Variants in ARHGEF37 observed in about 807,000 individuals in gnomAD.
ARHGEF37 encodes Rho guanine nucleotide exchange factor 37.
ARHGEF37 carries 55 observed loss-of-function variants against 71.1 expected under a neutral mutation model. That is an observed-to-expected ratio of 0.77 (90% CI 0.62 to 0.97). The LOEUF is 0.97. Ranked by LOEUF, ARHGEF37 falls within the 50% of genes least tolerant of loss-of-function variation. The pLI is 0.00. For missense variants in ARHGEF37, 765 were observed against 836.8 expected (o/e 0.91, Z 1.06); for synonymous variants, 327 against 350.6 (o/e 0.93, Z 0.75).
At chr5:149,598,748 ATC>A (rs3073459) in intron 2 of ARHGEF37, among the ~76,000 whole-genome samples, 38,283 of 105,130 alleles carry the variant, frequency 0.36, 5,736 homozygotes, top group South Asian at 0.55. Flanking sequence ...ATATATATAT[ATC>A]TATATATAGA....
chr5:149,589,741 C>A (rs1763345359), intron 1 of ARHGEF37, among the ~76,000 whole-genome samples: 1 of 152,080 alleles, frequency 6.6e-6, no homozygotes, highest in Non-Finnish European at 1.5e-5. Flanking sequence ...CTCAGGTGAT[C>A]CTCCCGACCT....
chr5:149,569,720 G>A (rs1027699319), intron 1 of ARHGEF37, among the ~76,000 whole-genome samples: 5 of 152,182 alleles, frequency 3.3e-5, no homozygotes, highest in African/African-American at 1.2e-4. Flanking sequence ...AGGTTCAAGC[G>A]ATTCTCTGGC....
intron 1 of ARHGEF37, among the ~76,000 whole-genome samples, chr5:149,595,046 G>A (rs1282082175): frequency 6.6e-6 from 1 of 152,214 alleles, no homozygotes; most frequent in Non-Finnish European, 1.5e-5. Flanking sequence ...GAACAGGTTT[G>A]TGGTTGCCAA....
rs776949148 is a variant in ARHGEF37 at position 149,631,992 on chromosome 5, C to T, written c.1829C>T (p.Ala610Val). 31 of 1,614,110 alleles carry T rather than the reference C, an allele frequency of 1.9e-5. No homozygotes were observed. In the African/African-American group the frequency reaches 2.7e-4, roughly 14 times the overall value. ...CCCCATGTGTTTCAGGTCATAGCCG[C>T]GTACCCTTTTGTGGCCAGAAGCAGC... Reference protein sequence around the residue: ...SIPTMNQVIAAYPFVARSSHE... With the variant: ...SIPTMNQVIAVYPFVARSSHE... Residue 610 changes from alanine to valine, a missense_variant, in exon 13 of 13, where the codon GCG (alanine) becomes GTG (valine). Ala to Val is a moderately conservative substitution (Grantham distance 64). This residue lies in a region of ARHGEF37 where 390 missense variants were observed against 407.4 expected (regional missense o/e 0.96). Coordinates refer to ENST00000333677, the MANE Select transcript of ARHGEF37 (RefSeq NM_001001669.3).
At chr5:149,626,640 T>G (rs1384243300) in intron 10 of ARHGEF37, among the ~76,000 whole-genome samples, 1 of 152,218 alleles carries the variant, frequency 6.6e-6, no homozygotes, top group African/African-American at 2.4e-5. Flanking sequence ...CCTGCATATG[T>G]GAAATCCGCC....
Position 149,569,602 on chromosome 5 carries a change from G to A in ARHGEF37, c.-12+17479G>A, listed in dbSNP as rs530127718. 3.1e-3 allele frequency among the ~76,000 whole-genome samples: 472 copies of A among 152,032 alleles called. 3 individuals are homozygous for A. The highest frequency in any genetic ancestry group is 0.011 in the African/African-American group (464 of 41,448). ...CCCACAGTGCTGGGATTACAGGTGT[G>A]AGCCACCACACCCGGCCTTATTTAT... On this transcript the variant is annotated intron_variant, in intron 1 of 2. Coordinates refer to the ARHGEF37 transcript ENST00000505810.
Position 149,618,962 on chromosome 5 carries a change from T to G in ARHGEF37, c.814T>G (p.Leu272Val). ...PRTEDKEFDDLEERFQWVSLC... is the reference protein window; with the variant it reads ...PRTEDKEFDDVEERFQWVSLC... ...GACAGAAGACAAGGAATTTGATGATTTAGAAGAGAGGTTCCAGTGGGTGTC... is the reference window on the plus strand; with the variant it reads ...GACAGAAGACAAGGAATTTGATGATGTAGAAGAGAGGTTCCAGTGGGTGTC... Residue 272 changes from leucine (L) to valine (V), a missense_variant, in exon 7 of 13, where the codon TTA (leucine) becomes GTA (valine). Leu to Val is a conservative substitution (Grantham distance 32). This residue lies in a region of ARHGEF37 where 167 missense variants were observed against 173.3 expected (regional missense o/e 0.96). Transcript: ENST00000333677. 1 of 1,614,112 alleles carries G rather than the reference T, an allele frequency of 6.2e-7. No homozygotes were observed.
intron 1 of ARHGEF37, among the ~76,000 whole-genome samples, chr5:149,570,840 C>T (rs1379804932): frequency 6.6e-6 from 1 of 151,406 alleles, no homozygotes; most frequent in Non-Finnish European, 1.5e-5. Context: ...CACACCAGTG[C>T]ACTCCAGCCT....
rs774059450 is a variant in ARHGEF37, at chr5:149,597,857, C to T, written c.88C>T (p.His30Tyr). 17 of 1,610,282 alleles carry T rather than the reference C, an allele frequency of 1.1e-5. No homozygotes were observed. The highest frequency in any genetic ancestry group is 1.3e-5 in the African/African-American group (1 of 74,724). Residue 30 changes from histidine (H) to tyrosine (Y), a missense_variant, in exon 2 of 13, where the codon CAT becomes TAT. Physicochemically the swap from His to Tyr is moderately conservative, Grantham distance 83. Transcript: ENST00000333677. ...GRASEDRSLLHQRLAVRELID... is the reference protein window; with the variant it reads ...GRASEDRSLLYQRLAVRELID... ...GGCCTCTGAGGACAGATCGCTGCTT[C>T]ATCAGAGGCTGGCTGTCCGGGAGCT...
chr5:149,595,846 G>T (rs1170043639), intron 1 of ARHGEF37, among the ~76,000 whole-genome samples: 3 of 152,108 alleles, frequency 2.0e-5, no homozygotes, highest in Admixed American at 2.0e-4. Flanking sequence ...GAAGGCAGGT[G>T]TGTTGTTACG....
chr5:149,559,971 A>G (rs764109928), intron 1 of ARHGEF37, among the ~76,000 whole-genome samples: 1 of 152,202 alleles, frequency 6.6e-6, no homozygotes, highest in Non-Finnish European at 1.5e-5. Flanking sequence ...ATTGAGTTCT[A>G]TAGATTCTTA....
At chr5:149,570,884 A>T (rs992726788) in intron 1 of ARHGEF37, among the ~76,000 whole-genome samples, 1 of 152,098 alleles carries the variant, frequency 6.6e-6, no homozygotes, top group Non-Finnish European at 1.5e-5. Flanking sequence ...TCAAAAAAAA[A>T]AAAAGTTTAA....
At chr5:149,564,453 G>A (rs1282200926) in intron 1 of ARHGEF37, among the ~76,000 whole-genome samples, 1 of 151,956 alleles carries the variant, frequency 6.6e-6, no homozygotes, top group African/African-American at 2.4e-5. Flanking sequence ...CATTTCTCCC[G>A]TTTATGCATC....
intron 9 of ARHGEF37, 71 bp downstream of exon 9, chr5:149,622,133 G>C: frequency 7.0e-7 from 1 of 1,436,640 alleles, no homozygotes; most frequent in Non-Finnish European, 9.4e-7. Flanking sequence ...TCAGCCAGCT[G>C]TGTGTAGGGG....
intron 1 of ARHGEF37, among the ~76,000 whole-genome samples, chr5:149,568,540 A>T (rs1762924915): frequency 6.6e-6 from 1 of 152,158 alleles, no homozygotes; most frequent in Non-Finnish European, 1.5e-5. Context: ...TCAAGATACA[A>T]TACATTGGCC....
intron 1 of ARHGEF37, among the ~76,000 whole-genome samples, chr5:149,583,343 C>A (rs149718412): frequency 0.013 from 2,027 of 152,264 alleles, 32 homozygotes; most frequent in Non-Finnish European, 0.017. Flanking sequence ...CACCGTGTTG[C>A]CCAGGCTGAT....
chr5:149,565,829 ATTTTT>A (rs201683478), intron 1 of ARHGEF37, among the ~76,000 whole-genome samples: 141 of 84,392 alleles, frequency 1.7e-3, no homozygotes, highest in Non-Finnish European at 3.1e-3. Flanking sequence ...AGAAACTCTA[ATTTTT>A]TTTTTTTTTT....
At chr5:149,562,246 A>T (rs1047754937) in intron 1 of ARHGEF37, among the ~76,000 whole-genome samples, 1 of 152,280 alleles carries the variant, frequency 6.6e-6, no homozygotes, top group Non-Finnish European at 1.5e-5. Flanking sequence ...TTTGGGTTTT[A>T]GGGCCCTAAT....
intron 1 of ARHGEF37, among the ~76,000 whole-genome samples, chr5:149,589,195 A>T (rs1235973887): frequency 1.2e-5 from 1 of 82,616 alleles, no homozygotes; most frequent in Admixed American, 1.1e-4. Context: ...CCTGTCTCTT[A>T]AAAAAAAAAA....
Sources: allele counts gnomAD v4.1 joint callset (sites outside exome capture counted in the v4.1 genomes callset), GRCh38; gene constraint gnomAD v4.1.1; regional missense constraint gnomAD v4.1.1; transcripts MANE v1.5; gene names NCBI Gene and HGNC (gene_info 2026-07-23, HGNC 2026-07-21).